SERPINI2: variants seen among roughly 807,000 people sequenced by gnomAD.
SERPINI2 encodes the protein serpin family I member 2.
In SERPINI2, 48 loss-of-function variants were observed where a neutral mutation model predicts 47.3. That is an observed-to-expected ratio of 1.02 (90% CI 0.81 to 1.29). SERPINI2 has a LOEUF of 1.29. SERPINI2 is among the 50% of genes most tolerant of loss of function. SERPINI2 has a pLI of 0.00. For missense variants in SERPINI2, 448 were observed against 456.9 expected (o/e 0.98, Z 0.18); for synonymous variants, 135 against 149.3 (o/e 0.90, Z 0.70).
At chr3:167,474,150 G>A, upstream of SERPINI2, 1 of 989,256 alleles carries the variant, frequency 1.0e-6, no homozygotes, top group Non-Finnish European at 1.2e-6. Flanking sequence ...AAAAGCAGGT[G>A]TTCACTACAT....
At chr3:167,471,708 C>G (rs571625874) in exon 2 of SERPINI2, 1 of 1,613,488 alleles carries the variant, frequency 6.2e-7, no homozygotes, top group East Asian at 2.2e-5. Context: ...ATAATGTTGT[C>G]CTTATGAGAT....
chr3:167,474,677 T>C (rs924988900), upstream of SERPINI2, among the ~76,000 whole-genome samples: 2 of 151,720 alleles, frequency 1.3e-5, no homozygotes, highest in African/African-American at 4.8e-5. Context: ...CCATAGGTAA[T>C]TGGATGATAA....
chr3:167,476,465 A>T (rs1015248359), upstream of SERPINI2, among the ~76,000 whole-genome samples: 6 of 152,044 alleles, frequency 3.9e-5, no homozygotes, highest in African/African-American at 1.4e-4. Flanking sequence ...TTACAGAAGA[A>T]GCCCTGATGT....
At chr3:167,466,434 A>T (rs1310629452) in intron 3 of SERPINI2, among the ~76,000 whole-genome samples, 2 of 152,228 alleles carry the variant, frequency 1.3e-5, no homozygotes, top group African/African-American at 4.8e-5. Flanking sequence ...ATACATTATT[A>T]TTAAAACTCC....
chr3:167,465,083 A>G (rs1750095256), intron 5 of SERPINI2, 123 bp downstream of exon 5: 2 of 880,104 alleles, frequency 2.3e-6, no homozygotes, highest in East Asian at 5.2e-5. Context: ...AAATTTCCAA[A>G]TACATTTGTA....
intron 2 of SERPINI2, among the ~76,000 whole-genome samples, chr3:167,468,924 TA>T (rs1750229247): frequency 6.6e-6 from 1 of 151,878 alleles, no homozygotes; most frequent in Non-Finnish European, 1.5e-5. Flanking sequence ...TTTAAAGGAA[TA>T]AAAAAAGAGA....
upstream of SERPINI2, chr3:167,474,199 T>G: frequency 1.2e-6 from 1 of 800,018 alleles, no homozygotes; most frequent in African/African-American, 1.9e-5. Flanking sequence ...AATGATCAAC[T>G]GATGAAATGT....
At chr3:167,469,354 C>A (rs1216464092) in intron 2 of SERPINI2, 1 of 152,100 alleles carries the variant, frequency 6.6e-6, no homozygotes, top group East Asian at 1.9e-4. Context: ...ATTTTGTGTG[C>A]ATATGGGAGA....
rs201340816 is a variant in SERPINI2, at chr3:167,451,496, T to A, written c.964+1440A>T. Among the ~76,000 whole-genome samples, 5 of 152,334 alleles carry A rather than the reference T, an allele frequency of 3.3e-5. No individual in the cohort carries two copies. The East Asian group carries it at 9.6e-4, about 29-fold the overall frequency. Reference sequence around the variant, plus strand: ...CTGTGCTCCTAGCTACCAGCAGGGGTATCAGCATTGGCTATGACTATTCTA... The same window carrying A: ...CTGTGCTCCTAGCTACCAGCAGGGGAATCAGCATTGGCTATGACTATTCTA... On this transcript the variant is annotated intron_variant, in intron 6 of 8. Transcript: ENST00000264677.
At position 167,472,185 on chromosome 3, in the gene SERPINI2, A is replaced by T. The variant is rs1353548287; in HGVS notation, c.-10-341T>A. On this transcript the variant is annotated intron_variant, in intron 1 of 8. Coordinates refer to ENST00000264677, the Ensembl canonical transcript of SERPINI2. ...CTATCTTTTCTCATGGTTAAGTGGGATAACTGTAACTCTGACATCAGGTAA... is the reference window on the plus strand; with the variant it reads ...CTATCTTTTCTCATGGTTAAGTGGGTTAACTGTAACTCTGACATCAGGTAA... Among the ~76,000 whole-genome samples, 3 of 152,090 alleles carry T rather than the reference A, an allele frequency of 2.0e-5. No individual in the cohort carries two copies. The East Asian group carries it at 5.8e-4, about 29-fold the overall frequency.
intron 7 of SERPINI2, 149 bp downstream of exon 7, chr3:167,449,167 G>A (rs9857487): frequency 0.12 from 74,608 of 636,978 alleles, 5,793 homozygotes; most frequent in East Asian, 0.32. Context: ...TATGAACAGC[G>A]TATACAACCA....
rs147394275 is a variant in SERPINI2, at chr3:167,468,620, A to T, written c.248-1335T>A. Reference sequence around the variant, plus strand: ...TATAAACAATTTCAGATATAAAAAAAACTTACTTCCATATGATTAGATCTG... The same window carrying T: ...TATAAACAATTTCAGATATAAAAAATACTTACTTCCATATGATTAGATCTG... On this transcript the variant is annotated intron_variant, in intron 2 of 8. Coordinates refer to ENST00000264677, the Ensembl canonical transcript of SERPINI2. Among the ~76,000 whole-genome samples, 639 of 152,330 alleles carry T rather than the reference A, an allele frequency of 4.2e-3. 3 individuals are homozygous for T. Among genetic ancestry groups the T allele is most frequent in the African/African-American group, 0.014 (598 of 41,576 alleles).
upstream of SERPINI2, among the ~76,000 whole-genome samples, chr3:167,476,868 G>C (rs939821800): frequency 6.6e-6 from 1 of 151,940 alleles, no homozygotes; most frequent in Admixed American, 6.6e-5. Context: ...AAGAGCCTTT[G>C]CAAATTATTT....
intron 6 of SERPINI2, among the ~76,000 whole-genome samples, chr3:167,451,566 T>C (rs1263518932): frequency 6.6e-6 from 1 of 152,244 alleles, no homozygotes; most frequent in Non-Finnish European, 1.5e-5. Flanking sequence ...ACAGCTCAAA[T>C]AGGTAACTCA....
At chr3:167,451,531 A>G (rs548461157) in intron 6 of SERPINI2, among the ~76,000 whole-genome samples, 3 of 152,360 alleles carry the variant, frequency 2.0e-5, no homozygotes, top group South Asian at 4.1e-4. Flanking sequence ...ATTCTAGGCA[A>G]TAAGACGGAA....
At chr3:167,449,536 C>T in intron 6 of SERPINI2, 134 bp from the exon 7 acceptor site, 1 of 408,956 alleles carries the variant, frequency 2.4e-6, no homozygotes, top group Non-Finnish European at 4.1e-6. Flanking sequence ...GCTCTGTCAC[C>T]CAGGCTGAAG....
intron 2 of SERPINI2, among the ~76,000 whole-genome samples, chr3:167,469,915 A>G (rs1750256735): frequency 6.6e-6 from 1 of 152,172 alleles, no homozygotes; most frequent in South Asian, 2.1e-4. Context: ...TGTTTACTTA[A>G]CAAAGTAATT....
intron 5 of SERPINI2, among the ~76,000 whole-genome samples, chr3:167,456,357 G>T (rs1204758094): frequency 6.6e-6 from 1 of 151,962 alleles, no homozygotes; most frequent in Admixed American, 6.6e-5. Context: ...TGGTCACAAC[G>T]TATCTATTCT....
At chr3:167,447,475 T>C (rs553647254) in intron 7 of SERPINI2, among the ~76,000 whole-genome samples, 1 of 152,314 alleles carries the variant, frequency 6.6e-6, no homozygotes, top group East Asian at 1.9e-4. Context: ...AGACTGACTA[T>C]TCTGAGGAGT....
Sources: gnomAD v4.1 joint callset for allele counts (sites outside exome capture counted in the v4.1 genomes callset) on GRCh38, gnomAD v4.1.1 for gene constraint, MANE v1.5 for transcripts, NCBI Gene and HGNC (gene_info 2026-07-23, HGNC 2026-07-21) for gene names.